The following CNTN4 variants were observed in gnomAD, a reference collection of about 807,000 sequenced individuals.
The protein encoded by CNTN4 is contactin 4.
Under a neutral mutation model 122.5 loss-of-function variants are expected in CNTN4, and 77 were observed. That is an observed-to-expected ratio of 0.63 (90% CI 0.52 to 0.76). The LOEUF is 0.76. CNTN4 is among the 30% of genes least tolerant of loss of function. The probability of loss-of-function intolerance (pLI) is 0.00; values close to 1 mark genes in which losing one functional copy is unlikely to be tolerated. For missense variants in CNTN4, 1,256 were observed against 1,259.1 expected, an observed-to-expected ratio of 1.00 and a Z score of 0.04; for synonymous variants, 512 against 447.0, an observed-to-expected ratio of 1.15 and a Z score of -1.83.
intron 13 of CNTN4, among the ~76,000 whole-genome samples, chr3:2,931,534 T>A (rs192132355): frequency 1.5e-3 from 229 of 152,322 alleles, no homozygotes; most frequent in African/African-American, 5.3e-3. Flanking sequence ...GTAACATACT[T>A]AAAATGGTAA....
At chr3:3,026,828 C>A (rs1698761380) in intron 15 of CNTN4, among the ~76,000 whole-genome samples, 1 of 152,094 alleles carries the variant, frequency 6.6e-6, no homozygotes, top group Non-Finnish European at 1.5e-5. Context: ...TTCAAAATGC[C>A]TTCCTTTCCA....
intron 2 of CNTN4, among the ~76,000 whole-genome samples, chr3:2,270,787 C>T (rs899023138): frequency 1.3e-5 from 2 of 152,102 alleles, no homozygotes; most frequent in Non-Finnish European, 2.9e-5. Context: ...CTGAGAGGGG[C>T]AGGCCATGGC....
At chr3:2,287,220 T>C (rs2041932924) in intron 2 of CNTN4, among the ~76,000 whole-genome samples, 1 of 152,138 alleles carries the variant, frequency 6.6e-6, no homozygotes, top group East Asian at 1.9e-4. Flanking sequence ...ATTATACACA[T>C]TGTAACTCTA....
At chr3:2,747,408 A>G (rs1226408158) in intron 6 of CNTN4, among the ~76,000 whole-genome samples, 1 of 28,380 alleles carries the variant, frequency 3.5e-5, no homozygotes, top group Non-Finnish European at 1.1e-4. Flanking sequence ...GACTCCGTCT[A>G]AAAAAAAAAA....
chr3:2,676,409 A>T (rs2084847693), intron 4 of CNTN4, among the ~76,000 whole-genome samples: 1 of 152,134 alleles, frequency 6.6e-6, no homozygotes, highest in Non-Finnish European at 1.5e-5. Context: ...TTTAATAGAG[A>T]CAGGGTTTCT....
At chr3:2,182,324 A>G (rs2037052088) in intron 2 of CNTN4, among the ~76,000 whole-genome samples, 5 of 152,118 alleles carry the variant, frequency 3.3e-5, no homozygotes, top group African/African-American at 1.2e-4. Context: ...CTATCCTTGG[A>G]TATCCAAAAA....
intron 2 of CNTN4, among the ~76,000 whole-genome samples, chr3:2,258,044 T>C (rs1384212933): frequency 6.6e-6 from 1 of 152,050 alleles, no homozygotes; most frequent in African/African-American, 2.4e-5. Context: ...GCCTGGGCAA[T>C]AGAATGAGAC....
At chr3:2,291,900 A>AT (rs2042149514) in intron 2 of CNTN4, among the ~76,000 whole-genome samples, 1 of 151,788 alleles carries the variant, frequency 6.6e-6, no homozygotes, top group Non-Finnish European at 1.5e-5. Context: ...TGCATGACTA[A>AT]TTTTTTTGTG....
At chr3:2,589,142 A>C (rs1357554389) in intron 4 of CNTN4, among the ~76,000 whole-genome samples, 8 of 152,188 alleles carry the variant, frequency 5.3e-5, no homozygotes, top group Admixed American at 5.2e-4. Context: ...CTGCAGCCCT[A>C]GAACAGCGAT....
chr3:2,146,740 G>T (rs1454608027), intron 2 of CNTN4, among the ~76,000 whole-genome samples: 1 of 152,174 alleles, frequency 6.6e-6, no homozygotes, highest in Admixed American at 6.5e-5. Flanking sequence ...ATATGTGTCA[G>T]TTATATGTCA....
chr3:2,804,271 CATT>C (rs530157763), intron 6 of CNTN4, among the ~76,000 whole-genome samples: 1 of 152,066 alleles, frequency 6.6e-6, no homozygotes, highest in Non-Finnish European at 1.5e-5. Context: ...TCTGCATAAA[CATT>C]ATTTGTTTTC....
chr3:3,001,965 A>C (rs1205949877), intron 14 of CNTN4, among the ~76,000 whole-genome samples: 1 of 152,218 alleles, frequency 6.6e-6, no homozygotes, highest in African/African-American at 2.4e-5. Flanking sequence ...AATTGGGACA[A>C]GAAAACACAA....
chr3:2,470,266 C>G lies in CNTN4; in HGVS notation c.-88-101150C>G, dbSNP rs540516621. Among the ~76,000 whole-genome samples, 37 of 151,996 alleles carry G rather than the reference C, an allele frequency of 2.4e-4. 1 individual carries two copies. In the South Asian group the frequency reaches 7.5e-3, roughly 31 times the overall value. On this transcript the variant is annotated intron_variant, in intron 3 of 24. Transcript: ENST00000418658. ...TAATTTTTTGTATTTTTAGTAGAGACGGGGTTTCACCGTGTTAGCCCAGTG... is the reference window on the plus strand; with the variant it reads ...TAATTTTTTGTATTTTTAGTAGAGAGGGGGTTTCACCGTGTTAGCCCAGTG...
At chr3:2,718,604 C>T (rs1329455709) in intron 4 of CNTN4, among the ~76,000 whole-genome samples, 1 of 152,042 alleles carries the variant, frequency 6.6e-6, no homozygotes, top group Non-Finnish European at 1.5e-5. Flanking sequence ...CTATTTATTT[C>T]CTGGGAGTAG....
At chr3:2,880,478 A>G (rs1004885821) in intron 8 of CNTN4, among the ~76,000 whole-genome samples, 5 of 152,306 alleles carry the variant, frequency 3.3e-5, no homozygotes, top group African/African-American at 1.2e-4. Context: ...TGGGATGATG[A>G]TTCAACGGTA....
At chr3:2,970,367 G>A (rs1692781373) in intron 13 of CNTN4, among the ~76,000 whole-genome samples, 1 of 152,126 alleles carries the variant, frequency 6.6e-6, no homozygotes, top group African/African-American at 2.4e-5. Flanking sequence ...AAAGCACTAG[G>A]ATTATAGGCA....
intron 3 of CNTN4, among the ~76,000 whole-genome samples, chr3:2,393,620 T>C (rs1181938320): frequency 6.6e-6 from 1 of 152,208 alleles, no homozygotes; most frequent in Non-Finnish European, 1.5e-5. Flanking sequence ...TAAAGTATAA[T>C]AATGAACATT....
chr3:2,182,348 A>G (rs1488189719), intron 2 of CNTN4, among the ~76,000 whole-genome samples: 1 of 152,064 alleles, frequency 6.6e-6, no homozygotes, highest in African/African-American at 2.4e-5. Context: ...ATTCTCAATA[A>G]ATTCACAACA....
At chr3:2,905,736 T>C (rs1346862808) in intron 12 of CNTN4, among the ~76,000 whole-genome samples, 1 of 152,106 alleles carries the variant, frequency 6.6e-6, no homozygotes, top group Non-Finnish European at 1.5e-5. Context: ...GTTGTAAAAA[T>C]GTAAGGCTTG....
Sources: allele counts gnomAD v4.1 joint callset (sites outside exome capture counted in the v4.1 genomes callset), GRCh38; gene constraint gnomAD v4.1.1; transcripts MANE v1.5; gene names NCBI Gene and HGNC (gene_info 2026-07-23, HGNC 2026-07-21).